Variants in MERTK observed in about 807,000 individuals in gnomAD.
The protein encoded by MERTK is tyrosine-protein kinase Mer.
In MERTK, 69 loss-of-function variants were observed where a neutral mutation model predicts 99.3. The observed-to-expected ratio is 0.70, with a 90% CI of 0.57 to 0.85. The LOEUF (loss-of-function observed/expected upper bound fraction) is 0.85, where lower values mean the gene tolerates loss of function less well. Ranked by LOEUF, MERTK falls within the 40% of genes least tolerant of loss-of-function variation. The pLI is 0.00. For synonymous variants in MERTK, 426 were observed against 467.6 expected, an observed-to-expected ratio of 0.91 and a Z score of 1.15; for missense variants, 1,125 against 1,249.4, an observed-to-expected ratio of 0.90 and a Z score of 1.50.
chr2:111,975,528 C>A (rs1676229461), intron 7 of MERTK, 56 bp downstream of exon 7: 1 of 1,572,406 alleles, frequency 6.4e-7, no homozygotes, highest in South Asian at 1.1e-5. Context: ...ATTCAACAAA[C>A]CCTTCCCAGT....
intron 2 of MERTK, among the ~76,000 whole-genome samples, chr2:111,931,689 GAA>G (rs529477616): frequency 1.0e-4 from 11 of 107,102 alleles, no homozygotes; most frequent in Non-Finnish European, 1.0e-4. Flanking sequence ...CATCTCAAAA[GAA>G]AAAAAAAAAA....
chr2:111,914,002 G>A (rs969700491), intron 1 of MERTK, among the ~76,000 whole-genome samples: 1 of 151,576 alleles, frequency 6.6e-6, no homozygotes, highest in East Asian at 1.9e-4. Context: ...ATAAGAATGG[G>A]GAAAGCAGAT....
rs541892026 is a variant in MERTK at position 112,021,477 on chromosome 2, T to G, written c.2245T>G (p.Tyr749Asp). 6.8e-6 allele frequency: 11 copies of G among 1,613,936 alleles called. No individual in the cohort carries two copies. In the South Asian group the frequency reaches 1.2e-4, roughly 18 times the overall value. ...VADFGLSKKI[Y>D]SGDYYRQGRI... Reference sequence around the variant, plus strand: ...GGACTTCGGCCTCTCTAAGAAGATTTACAGTGGCGATTATTACCGCCAAGG... The same window carrying G: ...GGACTTCGGCCTCTCTAAGAAGATTGACAGTGGCGATTATTACCGCCAAGG... Residue 749 changes from tyrosine to aspartate, a missense_variant, in exon 17 of 19, where the codon TAC becomes GAC. Tyr to Asp is a radical substitution (Grantham distance 160). Transcript: ENST00000295408.
Position 111,994,380 on chromosome 2 carries a change from G to T in MERTK, c.1426G>T (p.Val476Leu), listed in dbSNP as rs758412728. Residue 476 changes from valine (V) to leucine (L), a missense_variant, in exon 9 of 19, where the codon GTG becomes TTG. By Grantham distance (32) the Val-to-Leu change is conservative (BLOSUM62 1). Coordinates refer to ENST00000295408, the MANE Select transcript of MERTK (RefSeq NM_006343.3). Reference protein sequence around the residue: ...RGGVGPFSDPVKIFIPAHGWV... With the variant: ...RGGVGPFSDPLKIFIPAHGWV... The stretch of plus-strand genomic sequence containing the variant: ...GGGAGTTGGGCCCTTCAGTGATCCA[G>T]TGAAAATATTTATCCCTGCACACGG... The T allele has an allele frequency of 6.2e-7, 1 of 1,614,204 alleles. No homozygotes were observed. The highest frequency in any genetic ancestry group is 1.7e-5 in the Admixed American group (1 of 60,022).
intron 11 of MERTK, among the ~76,000 whole-genome samples, chr2:112,001,570 T>TA (rs1398999208): frequency 6.6e-6 from 1 of 152,146 alleles, no homozygotes; most frequent in Admixed American, 6.5e-5. Flanking sequence ...AGAAGATGGG[T>TA]AGAGGCCAGG....
intron 9 of MERTK, chr2:111,997,116 G>T: frequency 1.4e-6 from 1 of 735,394 alleles, no homozygotes; most frequent in East Asian, 2.5e-5. Context: ...TATATGTTAT[G>T]GAATGAGTAA....
At chr2:112,022,124 A>G (rs1031405948) in intron 17 of MERTK, 134 bp from the exon 18 acceptor site, 4 of 1,186,232 alleles carry the variant, frequency 3.4e-6, no homozygotes, top group Non-Finnish European at 4.9e-6. Context: ...TTGGGAGAGC[A>G]GTGCGTCTCA....
At chr2:111,983,077 T>C in intron 8 of MERTK, 84 bp downstream of exon 8, 1 of 1,543,124 alleles carries the variant, frequency 6.5e-7, no homozygotes, top group Admixed American at 1.7e-5. Flanking sequence ...TTTCATTTGG[T>C]TTTGAAAAGA....
intron 15 of MERTK, among the ~76,000 whole-genome samples, chr2:112,013,986 C>T (rs1677160583): frequency 6.6e-6 from 1 of 151,470 alleles, no homozygotes; most frequent in Admixed American, 6.6e-5. Flanking sequence ...TCCTGAGTAG[C>T]TGGGATTACA....
intron 18 of MERTK, among the ~76,000 whole-genome samples, chr2:112,026,982 C>T (rs915544001): frequency 1.3e-5 from 2 of 151,974 alleles, no homozygotes; most frequent in African/African-American, 4.8e-5. Context: ...TTTCTCAAAA[C>T]AGAAAAGCAT....
chr2:111,911,966 G>A (rs1180148015), intron 1 of MERTK, among the ~76,000 whole-genome samples: 1 of 151,836 alleles, frequency 6.6e-6, no homozygotes, highest in Non-Finnish European at 1.5e-5. Context: ...GGGGATTACA[G>A]ACATGAGCCA....
intron 1 of MERTK, among the ~76,000 whole-genome samples, chr2:111,917,039 T>C (rs1038690459): frequency 6.6e-6 from 1 of 152,174 alleles, no homozygotes; most frequent in African/African-American, 2.4e-5. Context: ...TCTGTTCCAA[T>C]TCTTCCCCAC....
chr2:111,966,685 T>A (rs1012012232), intron 5 of MERTK, among the ~76,000 whole-genome samples: 1 of 152,206 alleles, frequency 6.6e-6, no homozygotes, highest in Non-Finnish European at 1.5e-5. Flanking sequence ...CTTCTTCTAA[T>A]GTGTAATTAC....
At chr2:111,968,114 T>C in intron 5 of MERTK, 23 bp from the exon 6 acceptor site, 2 of 1,463,722 alleles carry the variant, frequency 1.4e-6, no homozygotes, top group Non-Finnish European at 9.6e-7. Context: ...TGTATGTGTG[T>C]GTGTGTGTTT....
intron 8 of MERTK, among the ~76,000 whole-genome samples, chr2:111,992,814 G>A (rs1048205458): frequency 5.9e-5 from 9 of 151,666 alleles, no homozygotes; most frequent in Non-Finnish European, 1.3e-4. Flanking sequence ...CTTTTCCTAA[G>A]TTCTGTGAGC....
intron 4 of MERTK, among the ~76,000 whole-genome samples, chr2:111,956,660 T>TTTG (rs996705662): frequency 6.6e-6 from 1 of 152,106 alleles, no homozygotes; most frequent in South Asian, 2.1e-4. Context: ...ATTAGGCAGT[T>TTTG]TTGTTGTTGT....
intron 18 of MERTK, among the ~76,000 whole-genome samples, chr2:112,025,398 C>T (rs910970138): frequency 5.3e-5 from 8 of 152,172 alleles, no homozygotes; most frequent in Middle Eastern, 3.2e-3. Context: ...TATTATTTAC[C>T]CTGGCACCCA....
At chr2:111,937,088 G>T (rs1319201920) in intron 2 of MERTK, among the ~76,000 whole-genome samples, 1 of 151,934 alleles carries the variant, frequency 6.6e-6, no homozygotes, top group African/African-American at 2.4e-5. Context: ...TTAAATTCTG[G>T]CATAGTTCCC....
At chr2:112,017,391 C>G (rs990425890) in intron 15 of MERTK, among the ~76,000 whole-genome samples, 2 of 152,046 alleles carry the variant, frequency 1.3e-5, no homozygotes, top group African/African-American at 2.4e-5. Context: ...CCCACTCAAC[C>G]CAGAAAGTCC....
Sources: allele counts gnomAD v4.1 joint callset (sites outside exome capture counted in the v4.1 genomes callset), GRCh38; gene constraint gnomAD v4.1.1; transcripts MANE v1.5; gene names NCBI Gene and HGNC (gene_info 2026-07-23, HGNC 2026-07-21).